GPM6A: variants seen among roughly 807,000 people sequenced by gnomAD.
The protein encoded by GPM6A is neuronal membrane glycoprotein M6-a.
GPM6A carries 7 observed loss-of-function variants against 32.1 expected under a neutral mutation model. The ratio of observed to expected loss-of-function variants is 0.22; its 90% CI spans 0.12 to 0.41. The LOEUF is 0.41. GPM6A is among the 10% of genes least tolerant of loss of function. The probability of loss-of-function intolerance (pLI) is 1.00; values close to 1 mark genes in which losing one functional copy is unlikely to be tolerated. For missense variants in GPM6A, 235 were observed against 347.2 expected (o/e 0.68, Z 2.57); for synonymous variants, 130 against 123.4 (o/e 1.05, Z -0.35).
At chr4:175,841,906 A>T (rs1332466437) in intron 1 of GPM6A, among the ~76,000 whole-genome samples, 2 of 152,166 alleles carry the variant, frequency 1.3e-5, no homozygotes, top group Non-Finnish European at 2.9e-5. Flanking sequence ...CATAGCTGTC[A>T]TTCCATTTAT....
At chr4:175,994,224 A>G (rs1741235688) in intron 1 of GPM6A, among the ~76,000 whole-genome samples, 1 of 152,210 alleles carries the variant, frequency 6.6e-6, no homozygotes, top group South Asian at 2.1e-4. Flanking sequence ...AAGAAGGCTG[A>G]TTAGTGACTG....
At chr4:175,711,447 TATATATATATAC>T (rs1406222199) in intron 1 of GPM6A, among the ~76,000 whole-genome samples, 8,492 of 61,984 alleles carry the variant, frequency 0.14, 1,158 homozygotes, top group Non-Finnish European at 0.21. Context: ...TATATATATA[TATATATATATAC>T]ACACACATAC....
chr4:175,962,168 G>T, intron 1 of GPM6A: 1 of 968,944 alleles, frequency 1.0e-6, no homozygotes, highest in Non-Finnish European at 1.7e-6. Flanking sequence ...AACCCAAGGT[G>T]ATCGAGCACC....
chr4:175,636,937 C>CATATATATAT (rs562869711), intron 6 of GPM6A, among the ~76,000 whole-genome samples: 4 of 124,220 alleles, frequency 3.2e-5, no homozygotes, highest in African/African-American at 1.2e-4. Flanking sequence ...TTCACTCATG[C>CATATATATAT]ATATATATAT....
At chr4:175,638,001 G>C (rs1740912407) in intron 6 of GPM6A, among the ~76,000 whole-genome samples, 1 of 145,898 alleles carries the variant, frequency 6.9e-6, no homozygotes, top group African/African-American at 2.5e-5. Flanking sequence ...GCCTTAAGGG[G>C]AACCCAAGCT....
At chr4:175,839,242 A>T (rs1457137887) in intron 1 of GPM6A, among the ~76,000 whole-genome samples, 1 of 152,226 alleles carries the variant, frequency 6.6e-6, no homozygotes, top group Non-Finnish European at 1.5e-5. Context: ...AGAAGAAAAC[A>T]AATAAATAGA....
chr4:175,750,134 C>G (rs1400328045), intron 1 of GPM6A, among the ~76,000 whole-genome samples: 1 of 152,150 alleles, frequency 6.6e-6, no homozygotes, highest in Non-Finnish European at 1.5e-5. Context: ...TCTCGGCTCA[C>G]TGCAACCTCT....
intron 1 of GPM6A, among the ~76,000 whole-genome samples, chr4:175,756,018 AAAG>A (rs1252976600): frequency 6.6e-6 from 1 of 152,164 alleles, no homozygotes; most frequent in African/African-American, 2.4e-5. Flanking sequence ...AGTAGGTAAG[AAAG>A]AAGAGGAGGA....
rs1737796550 is a variant in GPM6A, at chr4:175,896,470, T to TAA, written c.-22-84222_-22-84221insTT. On this transcript the variant is annotated intron_variant, in intron 1 of 7. Coordinates refer to the GPM6A transcript ENST00000280187. Reference sequence around the variant, plus strand: ...GAGATCCAGACATGTCTGCCCCCTTTGAAGCCTTAAGCCTTGATCTGACTC... The same window carrying TAA: ...GAGATCCAGACATGTCTGCCCCCTTTAAGAAGCCTTAAGCCTTGATCTGACTC... Among the ~76,000 whole-genome samples the TAA allele has an allele frequency of 3.3e-5, 5 of 152,308 alleles. No individual in the cohort carries two copies. In the East Asian group the frequency reaches 9.6e-4, roughly 29 times the overall value.
intron 3 of GPM6A, among the ~76,000 whole-genome samples, chr4:175,654,036 C>CAATG (rs1405225768): frequency 6.6e-6 from 1 of 152,104 alleles, no homozygotes; most frequent in Non-Finnish European, 1.5e-5. Flanking sequence ...GGCTAAGTGA[C>CAATG]AATGGTCAGC....
chr4:175,886,722 AACAC>A (rs34241399), intron 1 of GPM6A, among the ~76,000 whole-genome samples: 15,467 of 145,512 alleles, frequency 0.11, 975 homozygotes, highest in African/African-American at 0.18. Flanking sequence ...AAACTCAGTA[AACAC>A]ACACACACAC....
chr4:175,682,783 G>T (rs1235592202), intron 2 of GPM6A, among the ~76,000 whole-genome samples: 2 of 152,226 alleles, frequency 1.3e-5, no homozygotes, highest in East Asian at 3.8e-4. Flanking sequence ...ATGCAAGAGT[G>T]AAGAACACTT....
At chr4:175,658,923 T>C (rs1057503860) in intron 3 of GPM6A, among the ~76,000 whole-genome samples, 1 of 152,150 alleles carries the variant, frequency 6.6e-6, no homozygotes, top group African/African-American at 2.4e-5. Flanking sequence ...CAGAATAAAA[T>C]GATCTGTGAA....
chr4:175,742,001 A>T (rs1560907686), intron 1 of GPM6A, among the ~76,000 whole-genome samples: 2 of 152,138 alleles, frequency 1.3e-5, no homozygotes, highest in Non-Finnish European at 2.9e-5. Context: ...AAATTATTCT[A>T]ACTAAAATTA....
chr4:175,852,130 A>T (rs1034298799), intron 1 of GPM6A, among the ~76,000 whole-genome samples: 3 of 152,194 alleles, frequency 2.0e-5, no homozygotes, highest in African/African-American at 2.4e-5. Context: ...AAATAAAAGG[A>T]TGAGACCAGA....
chr4:175,792,433 CA>C (rs1467291925), intron 1 of GPM6A, among the ~76,000 whole-genome samples: 1 of 151,882 alleles, frequency 6.6e-6, no homozygotes, highest in East Asian at 1.9e-4. Flanking sequence ...AGAAAATAGC[CA>C]AAAAGAAGAG....
At chr4:175,872,275 C>A (rs1246180641) in intron 1 of GPM6A, among the ~76,000 whole-genome samples, 1 of 152,186 alleles carries the variant, frequency 6.6e-6, no homozygotes, top group Non-Finnish European at 1.5e-5. Flanking sequence ...CGTGGTGTCA[C>A]CCTGAACACT....
intron 1 of GPM6A, among the ~76,000 whole-genome samples, chr4:175,817,943 A>G (rs1735159363): frequency 6.6e-6 from 1 of 152,210 alleles, no homozygotes; most frequent in Non-Finnish European, 1.5e-5. Context: ...TTGGAGCCTA[A>G]AGGTAGACAA....
At chr4:175,933,388 CTGCTGTTGAGGATGTACAATGATACAGT>C (rs1019252281) in intron 1 of GPM6A, among the ~76,000 whole-genome samples, 3 of 152,158 alleles carry the variant, frequency 2.0e-5, no homozygotes, top group Admixed American at 1.3e-4. Flanking sequence ...GTCTCATACA[CTGCTGTTGAGGATGTACAATGATACAGT>C]TTTGGAAAAC....
Sources: allele counts gnomAD v4.1 joint callset (sites outside exome capture counted in the v4.1 genomes callset), GRCh38; gene constraint gnomAD v4.1.1; transcripts MANE v1.5; gene names NCBI Gene and HGNC (gene_info 2026-07-23, HGNC 2026-07-21).